Variants in TRABD2B observed in about 807,000 individuals in gnomAD.
TRABD2B encodes metalloprotease TIKI2.
Under a neutral mutation model 40.1 loss-of-function variants are expected in TRABD2B, and 14 were observed. The ratio of observed to expected loss-of-function variants is 0.35; its 90% CI spans 0.23 to 0.55. The LOEUF (loss-of-function observed/expected upper bound fraction) is 0.55. Among genes scored for constraint, TRABD2B ranks in the 20% least tolerant of loss-of-function variants. TRABD2B has a pLI of 0.90. For missense variants in TRABD2B, 541 were observed against 648.6 expected, an observed-to-expected ratio of 0.83 and a Z score of 1.80; for synonymous variants, 263 against 277.0, an observed-to-expected ratio of 0.95 and a Z score of 0.50.
intron 2 of TRABD2B, among the ~76,000 whole-genome samples, chr1:47,896,353 C>T (rs952698826): frequency 6.6e-6 from 1 of 152,078 alleles, no homozygotes; most frequent in Non-Finnish European, 1.5e-5. Flanking sequence ...GCTGTGGAGG[C>T]TCAAGGCTAA....
intron 2 of TRABD2B, among the ~76,000 whole-genome samples, chr1:47,895,941 G>C (rs12030734): frequency 0.041 from 6,242 of 152,320 alleles, 261 homozygotes; most frequent in East Asian, 0.2. Context: ...ACCAGTGAAG[G>C]GGGGAAGGTT....
intron 2 of TRABD2B, among the ~76,000 whole-genome samples, chr1:47,916,983 T>C (rs1235848162): frequency 1.3e-5 from 2 of 152,232 alleles, no homozygotes; most frequent in Non-Finnish European, 2.9e-5. Flanking sequence ...AGGTACTGTT[T>C]TCCCGTCTTG....
rs991219778 is a variant in TRABD2B, at chr1:47,997,304, G to A, written c.-515C>T. The A allele has an allele frequency of 7.5e-6, 6 of 801,514 alleles. No homozygotes were observed. The highest frequency in any genetic ancestry group is 9.0e-6 in the Non-Finnish European group (6 of 664,438). 49.7% of individuals were successfully genotyped at this position (801,514 alleles called of 1,614,324 possible). A position where few individuals can be genotyped will look rare whatever the true frequency, so the allele number is the denominator to read the frequency against. On this transcript the variant is annotated 5_prime_UTR_variant, in exon 1 of 7. Transcript: ENST00000606738. ...GGGGCGACCGGCTGCCCCCGAGCCCGGCTCAGAGGGGCGGCGGGCGGCCGC... is the reference window on the plus strand; with the variant it reads ...GGGGCGACCGGCTGCCCCCGAGCCCAGCTCAGAGGGGCGGCGGGCGGCCGC...
chr1:47,953,719 GAAATA>G (rs1381022803), intron 2 of TRABD2B, among the ~76,000 whole-genome samples: 2 of 152,192 alleles, frequency 1.3e-5, no homozygotes, highest in Admixed American at 1.3e-4. Context: ...ATGGATTAAT[GAAATA>G]AAATGAGTTC....
intron 2 of TRABD2B, among the ~76,000 whole-genome samples, chr1:47,940,381 C>A (rs190803570): frequency 6.6e-6 from 1 of 152,124 alleles, no homozygotes; most frequent in East Asian, 1.9e-4. Context: ...CCGACGATGG[C>A]GATGATGGAA....
chr1:47,772,848 C>T (rs1195290225), intron 6 of TRABD2B, among the ~76,000 whole-genome samples: 1 of 152,184 alleles, frequency 6.6e-6, no homozygotes, highest in Non-Finnish European at 1.5e-5. Context: ...TTTCAACAAA[C>T]AGGCTGCCAG....
chr1:47,931,242 A>T (rs1213860038), intron 2 of TRABD2B, among the ~76,000 whole-genome samples: 1 of 152,178 alleles, frequency 6.6e-6, no homozygotes, highest in East Asian at 1.9e-4. Context: ...TGAGTTGATT[A>T]TTCTTGCTTC....
intron 2 of TRABD2B, among the ~76,000 whole-genome samples, chr1:47,850,299 T>C (rs1319758036): frequency 6.6e-6 from 1 of 152,220 alleles, no homozygotes; most frequent in African/African-American, 2.4e-5. Context: ...TCACAGTCTG[T>C]GCTATCTCAT....
intron 2 of TRABD2B, among the ~76,000 whole-genome samples, chr1:47,921,011 T>C (rs1247861983): frequency 6.6e-6 from 1 of 152,224 alleles, no homozygotes; most frequent in African/African-American, 2.4e-5. Flanking sequence ...CTACCCATTT[T>C]ATTAAAGGAA....
At chr1:47,883,995 A>AG in intron 2 of TRABD2B, among the ~76,000 whole-genome samples, 1 of 152,320 alleles carries the variant, frequency 6.6e-6, no homozygotes, top group East Asian at 1.9e-4. Flanking sequence ...CTTGACCCCC[A>AG]GGGGATGTGG....
chr1:47,929,518 T>C (rs1455507426), intron 2 of TRABD2B, among the ~76,000 whole-genome samples: 1 of 152,232 alleles, frequency 6.6e-6, no homozygotes, highest in East Asian at 1.9e-4. Context: ...CATCAGCACT[T>C]GCTGGATGTG....
At chr1:47,890,290 G>A (rs1644426986) in intron 2 of TRABD2B, among the ~76,000 whole-genome samples, 3 of 152,240 alleles carry the variant, frequency 2.0e-5, no homozygotes, top group African/African-American at 7.2e-5. Context: ...GGATGTAATA[G>A]CAGTGAGGGT....
At chr1:47,862,054 G>T (rs915142106) in intron 2 of TRABD2B, among the ~76,000 whole-genome samples, 1 of 152,146 alleles carries the variant, frequency 6.6e-6, no homozygotes, top group African/African-American at 2.4e-5. Context: ...ACCCATTCAT[G>T]ATCCAAGCTC....
At chr1:47,893,632 A>G (rs576598986) in intron 2 of TRABD2B, among the ~76,000 whole-genome samples, 1 of 152,298 alleles carries the variant, frequency 6.6e-6, no homozygotes, top group East Asian at 1.9e-4. Flanking sequence ...TTTAGAGGGG[A>G]GCCCTTGTGT....
chr1:47,923,922 AC>A (rs1644936788), intron 2 of TRABD2B, among the ~76,000 whole-genome samples: 1 of 1,738 alleles, frequency 5.8e-4, no homozygotes, highest in Non-Finnish European at 2.4e-3. Flanking sequence ...ACATACACAC[AC>A]ACACACACAC....
intron 4 of TRABD2B, among the ~76,000 whole-genome samples, chr1:47,791,788 T>G (rs1205930713): frequency 6.6e-6 from 1 of 152,236 alleles, no homozygotes; most frequent in African/African-American, 2.4e-5. Context: ...ACAGCTTTCA[T>G]GCGGATGCGT....
Position 47,940,974 on chromosome 1 carries a change from T to A in TRABD2B, c.666+53060A>T, listed in dbSNP as rs187819004. Among the ~76,000 whole-genome samples the A allele has an allele frequency of 6.8e-4, 104 of 152,284 alleles. No individual in the cohort carries two copies. In the East Asian group the frequency reaches 0.02, roughly 29 times the overall value. ...AGCCCAGAAGAGCAGTAGGGCCATA[T>A]GAATGACACTCTCCACCCACACTTA... On this transcript the variant is annotated intron_variant, in intron 2 of 6. Transcript: ENST00000606738.
intron 4 of TRABD2B, among the ~76,000 whole-genome samples, chr1:47,787,905 C>T (rs1644618889): frequency 6.6e-6 from 1 of 152,066 alleles, no homozygotes; most frequent in Non-Finnish European, 1.5e-5. Flanking sequence ...CCTATGGGAG[C>T]CCAGAAGGGA....
chr1:47,969,590 C>G (rs1363325437), intron 2 of TRABD2B, among the ~76,000 whole-genome samples: 1 of 152,208 alleles, frequency 6.6e-6, no homozygotes, highest in Admixed American at 6.5e-5. Flanking sequence ...GTGCCCTCCT[C>G]TAGGGAAGAG....
Sources: allele counts gnomAD v4.1 joint callset (sites outside exome capture counted in the v4.1 genomes callset), GRCh38; gene constraint gnomAD v4.1.1; transcripts MANE v1.5; gene names NCBI Gene and HGNC (gene_info 2026-07-23, HGNC 2026-07-21).